The following CADM2 variants were observed in gnomAD, a reference collection of about 807,000 sequenced individuals.
CADM2 encodes immunoglobulin superfamily member 4D.
In CADM2, 12 loss-of-function variants were observed where a neutral mutation model predicts 49.8. The ratio of observed to expected loss-of-function variants is 0.24; its 90% CI spans 0.15 to 0.39. CADM2 has a LOEUF of 0.39. Among genes scored for constraint, CADM2 ranks in the 10% least tolerant of loss-of-function variants. The pLI is 1.00. For synonymous variants in CADM2, 214 were observed against 175.4 expected (o/e 1.22, Z -1.74); for missense variants, 378 against 492.3 (o/e 0.77, Z 2.20).
intron 1 of CADM2, among the ~76,000 whole-genome samples, chr3:85,178,783 G>A (rs528353818): frequency 2.0e-5 from 3 of 151,472 alleles, no homozygotes; most frequent in South Asian, 2.1e-4. Flanking sequence ...GTAAAAATAC[G>A]TGAGTCTACT....
At chr3:85,929,436 A>G (rs1024987792) in intron 6 of CADM2, among the ~76,000 whole-genome samples, 6 of 152,078 alleles carry the variant, frequency 3.9e-5, no homozygotes, top group Admixed American at 3.9e-4. Flanking sequence ...AATCTAGTAG[A>G]TAACTTGGCA....
chr3:85,515,430 T>TTC (rs2060869908), intron 1 of CADM2, among the ~76,000 whole-genome samples: 1 of 148,976 alleles, frequency 6.7e-6, no homozygotes, highest in Admixed American at 6.7e-5. Context: ...TGTTTCTTTT[T>TTC]TTTTTTATTA....
intron 1 of CADM2, among the ~76,000 whole-genome samples, chr3:85,400,159 G>A (rs1045755934): frequency 7.9e-5 from 12 of 152,118 alleles, no homozygotes; most frequent in Non-Finnish European, 1.5e-4. Context: ...TTAGCATGAA[G>A]CGTTGTTGAG....
At chr3:85,025,950 A>G (rs995668230) in intron 1 of CADM2, among the ~76,000 whole-genome samples, 2 of 152,078 alleles carry the variant, frequency 1.3e-5, no homozygotes, top group South Asian at 2.1e-4. Context: ...AGAAATAAAG[A>G]TTTTCTGGCT....
intron 1 of CADM2, among the ~76,000 whole-genome samples, chr3:85,174,000 C>G (rs1428934630): frequency 6.6e-6 from 1 of 152,102 alleles, no homozygotes; most frequent in Non-Finnish European, 1.5e-5. Context: ...TCTAACCTCA[C>G]ACACACATAC....
At chr3:85,483,579 A>G (rs1346877745) in intron 1 of CADM2, among the ~76,000 whole-genome samples, 1 of 150,740 alleles carries the variant, frequency 6.6e-6, no homozygotes, top group Non-Finnish European at 1.5e-5. Context: ...TTGTATATGT[A>G]CATATTAATA....
chr3:85,027,108 C>CTTTTTTTTT, intron 1 of CADM2, among the ~76,000 whole-genome samples: 1 of 36,194 alleles, frequency 2.8e-5, no homozygotes, highest in Non-Finnish European at 5.3e-5. Context: ...TTTTCTTTTT[C>CTTTTTTTTT]CTTTTTTTTT....
chr3:85,091,910 T>C (rs1277127486), intron 1 of CADM2, among the ~76,000 whole-genome samples: 1 of 152,132 alleles, frequency 6.6e-6, no homozygotes, highest in Non-Finnish European at 1.5e-5. Flanking sequence ...ATTCCAATAA[T>C]TAATGTGTCA....
At chr3:85,144,620 A>AAAAAAAGAAAGAAAG (rs373935603) in intron 1 of CADM2, among the ~76,000 whole-genome samples, 3 of 136,366 alleles carry the variant, frequency 2.2e-5, no homozygotes, top group Non-Finnish European at 3.1e-5. Flanking sequence ...TCAAAAAAAA[A>AAAAAAAGAAAGAAAG]AAAGAAAGAA....
chr3:85,764,979 TG>T (rs1447164642), intron 2 of CADM2, among the ~76,000 whole-genome samples: 1 of 152,042 alleles, frequency 6.6e-6, no homozygotes, highest in African/African-American at 2.4e-5. Flanking sequence ...GTTTGTTTTT[TG>T]TTTTTTTCTA....
At chr3:85,221,764 C>G (rs1452319455) in intron 1 of CADM2, among the ~76,000 whole-genome samples, 1 of 152,146 alleles carries the variant, frequency 6.6e-6, no homozygotes, top group African/African-American at 2.4e-5. Flanking sequence ...TGTCCTCAGT[C>G]TCAAGTGTCA....
intron 1 of CADM2, among the ~76,000 whole-genome samples, chr3:85,003,866 T>C (rs1033905408): frequency 6.6e-6 from 1 of 152,152 alleles, no homozygotes; most frequent in African/African-American, 2.4e-5. Flanking sequence ...AATAGATGGT[T>C]TAATTTGCCT....
intron 3 of CADM2, among the ~76,000 whole-genome samples, chr3:85,827,686 T>C (rs887025259): frequency 6.6e-6 from 1 of 151,922 alleles, no homozygotes; most frequent in Non-Finnish European, 1.5e-5. Context: ...AAAAGGAAAA[T>C]CTTCCTGAGG....
At chr3:85,506,166 C>G (rs2040342602) in intron 1 of CADM2, among the ~76,000 whole-genome samples, 1 of 152,174 alleles carries the variant, frequency 6.6e-6, no homozygotes, top group African/African-American at 2.4e-5. Flanking sequence ...TTTTGTGCAT[C>G]AGGTAAATTG....
intron 3 of CADM2, among the ~76,000 whole-genome samples, chr3:85,878,635 C>A (rs1176216033): frequency 6.6e-6 from 1 of 152,084 alleles, no homozygotes; most frequent in East Asian, 1.9e-4. Context: ...ATTATTATCA[C>A]CAGAAACTGA....
At chr3:85,816,598 G>A (rs1488897621) in intron 3 of CADM2, among the ~76,000 whole-genome samples, 1 of 152,078 alleles carries the variant, frequency 6.6e-6, no homozygotes. Flanking sequence ...AAATGAATGA[G>A]AAACCTCTAT....
chr3:85,393,213 G>A (rs1022891423), intron 1 of CADM2, among the ~76,000 whole-genome samples: 4 of 152,068 alleles, frequency 2.6e-5, no homozygotes, highest in Non-Finnish European at 5.9e-5. Flanking sequence ...TATACAGTAA[G>A]TCAAAAAGTG....
chr3:85,259,492 G>C (rs2042964726), intron 1 of CADM2, among the ~76,000 whole-genome samples: 1 of 151,934 alleles, frequency 6.6e-6, no homozygotes, highest in South Asian at 2.1e-4. Flanking sequence ...TTTATTTTCT[G>C]TAAAGGAGGT....
intron 3 of CADM2, among the ~76,000 whole-genome samples, chr3:85,865,431 A>G (rs1359483293): frequency 6.6e-6 from 1 of 152,194 alleles, no homozygotes; most frequent in Non-Finnish European, 1.5e-5. Flanking sequence ...CAAAGAAAGC[A>G]TGGAGCAAAA....
Sources: allele counts gnomAD v4.1 joint callset (sites outside exome capture counted in the v4.1 genomes callset), GRCh38; gene constraint gnomAD v4.1.1; transcripts MANE v1.5; gene names NCBI Gene and HGNC (gene_info 2026-07-23, HGNC 2026-07-21).